The following ABCA5 variants were observed in gnomAD, a reference collection of about 807,000 sequenced individuals.
ABCA5 encodes ATP binding cassette subfamily A member 5.
A neutral mutation model predicts 206.0 loss-of-function variants in ABCA5; 163 were observed. The observed-to-expected ratio is 0.79, with a 90% CI of 0.70 to 0.90. The LOEUF (loss-of-function observed/expected upper bound fraction) is 0.90, where lower values mean the gene tolerates loss of function less well. Among genes scored for constraint, ABCA5 ranks in the 40% least tolerant of loss-of-function variants. ABCA5 has a pLI of 0.00. For synonymous variants in ABCA5, 609 were observed against 613.8 expected (o/e 0.99, Z 0.11); for missense variants, 1,859 against 1,912.9 (o/e 0.97, Z 0.53).
intron 7 of ABCA5, among the ~76,000 whole-genome samples, chr17:69,303,644 G>T (rs75140143): frequency 0.1 from 13,862 of 137,792 alleles, 753 homozygotes; most frequent in Middle Eastern, 0.12. Context: ...AAACCAGAAG[G>T]CCTGCTGCAG....
At chr17:69,284,191 AC>A (rs1380618519) in intron 17 of ABCA5, 119 bp from the exon 18 acceptor site, 39 of 798,374 alleles carry the variant, frequency 4.9e-5, no homozygotes, top group Non-Finnish European at 6.3e-5. Context: ...ACCCATCTCT[AC>A]AAAAAATAAA....
intron 3 of ABCA5, among the ~76,000 whole-genome samples, chr17:69,312,024 G>A (rs990090261): frequency 1.3e-5 from 2 of 152,170 alleles, no homozygotes; most frequent in Admixed American, 1.3e-4. Context: ...GCTTCTGACT[G>A]TATAATTAAC....
chr17:69,254,532 A>G (rs568636167), intron 31 of ABCA5, 42 bp from the exon 32 acceptor site: 3 of 1,560,288 alleles, frequency 1.9e-6, no homozygotes, highest in East Asian at 4.5e-5. Context: ...TGCTTAATTT[A>G]CACTGTGAAG....
At chr17:69,272,127 A>C (rs2075280403) in intron 20 of ABCA5, among the ~76,000 whole-genome samples, 1 of 152,168 alleles carries the variant, frequency 6.6e-6, no homozygotes, top group South Asian at 2.1e-4. Flanking sequence ...ACAGCACTAG[A>C]TCTCAGTGTC....
At chr17:69,279,691 A>G (rs1282286410) in intron 18 of ABCA5, among the ~76,000 whole-genome samples, 1 of 152,138 alleles carries the variant, frequency 6.6e-6, no homozygotes, top group Non-Finnish European at 1.5e-5. Flanking sequence ...AGAGATATAG[A>G]TCAATGGAAC....
chr17:69,313,385 A>T (rs2075788523), intron 2 of ABCA5, 89 bp from the exon 3 acceptor site: 8 of 576,182 alleles, frequency 1.4e-5, no homozygotes, highest in Non-Finnish European at 1.9e-5. Context: ...AATACTAAGA[A>T]AAAACAGGAA....
chr17:69,325,673 T>A (rs951553202), intron 1 of ABCA5: 2 of 152,030 alleles, frequency 1.3e-5, no homozygotes, highest in African/African-American at 4.8e-5. Context: ...CAAGACTTCG[T>A]CTCTGAAAAA....
chr17:69,274,599 A>G (rs761819241), intron 19 of ABCA5, among the ~76,000 whole-genome samples: 9 of 152,244 alleles, frequency 5.9e-5, no homozygotes, highest in Non-Finnish European at 1.3e-4. Context: ...AACTGAAAAA[A>G]AAAAATAAGA....
chr17:69,298,316 G>GGAAGGAAGGA (rs1368530754), intron 9 of ABCA5, among the ~76,000 whole-genome samples: 1,298 of 41,914 alleles, frequency 0.031, 64 homozygotes, highest in African/African-American at 0.047. Context: ...AAGAGAGAGA[G>GGAAGGAAGGA]AGGAAGGAAG....
chr17:69,287,993 A>T lies in ABCA5; in HGVS notation c.1903-242T>A, dbSNP rs150712449. On this transcript the variant is annotated intron_variant, in intron 14 of 38. Coordinates refer to ENST00000392676, the MANE Select transcript of ABCA5 (RefSeq NM_172232.4). Reference sequence around the variant, plus strand: ...CCTGTAATACACAAGACAAAAGTATAACAACAGTCAGACAAACAAACTAAA... The same window carrying T: ...CCTGTAATACACAAGACAAAAGTATTACAACAGTCAGACAAACAAACTAAA... 2.4e-4 allele frequency among the ~76,000 whole-genome samples: 37 copies of T among 152,346 alleles called. No homozygotes were observed. The East Asian group carries it at 6.4e-3, about 26-fold the overall frequency.
intron 19 of ABCA5, among the ~76,000 whole-genome samples, chr17:69,277,305 T>C (rs1417630355): frequency 2.0e-5 from 3 of 151,064 alleles, no homozygotes; most frequent in African/African-American, 4.9e-5. Flanking sequence ...CAATGGGGAG[T>C]GTATTAATAT....
At chr17:69,270,881 A>C in intron 21 of ABCA5, 131 bp from the exon 22 acceptor site, 3 of 843,050 alleles carry the variant, frequency 3.6e-6, no homozygotes, top group Non-Finnish European at 3.4e-6. Context: ...CACAGAAATA[A>C]TACTCAATGA....
intron 14 of ABCA5, 73 bp from the exon 15 acceptor site, chr17:69,287,824 A>G (rs2075476352): frequency 7.5e-7 from 1 of 1,329,716 alleles, no homozygotes; most frequent in African/African-American, 1.5e-5. Flanking sequence ...TGTGGACACT[A>G]AAAAACTGCC....
chr17:69,259,226 C>T (rs114539106), intron 28 of ABCA5, among the ~76,000 whole-genome samples: 229 of 152,086 alleles, frequency 1.5e-3, no homozygotes, highest in African/African-American at 4.9e-3. Flanking sequence ...ATAAAAAGTG[C>T]TACACACGAC....
At chr17:69,309,906 T>C (rs1157918201) in intron 3 of ABCA5, among the ~76,000 whole-genome samples, 1 of 152,036 alleles carries the variant, frequency 6.6e-6, no homozygotes, top group Non-Finnish European at 1.5e-5. Context: ...AATGGTACAA[T>C]GTTGCAGACA....
At chr17:69,297,983 G>A (rs1327883595) in intron 9 of ABCA5, among the ~76,000 whole-genome samples, 1 of 152,106 alleles carries the variant, frequency 6.6e-6, no homozygotes, top group Non-Finnish European at 1.5e-5. Context: ...CCAGGAGTTT[G>A]AGACCAGCCT....
intron 8 of ABCA5, among the ~76,000 whole-genome samples, chr17:69,301,522 C>T (rs960985369): frequency 2.0e-5 from 3 of 152,014 alleles, no homozygotes; most frequent in Non-Finnish European, 2.9e-5. Flanking sequence ...TGTTGTGCTT[C>T]TTTAACTGGG....
At chr17:69,286,411 TG>T (rs1348492581) in intron 15 of ABCA5, 100 bp from the exon 16 acceptor site, 2 of 1,012,156 alleles carry the variant, frequency 2.0e-6, no homozygotes, top group Non-Finnish European at 2.9e-6. Flanking sequence ...ATCCACATTA[TG>T]ATATCATTAA....
At chr17:69,270,500 A>C in intron 22 of ABCA5, 113 bp downstream of exon 22, 1 of 1,000,158 alleles carries the variant, frequency 1.0e-6, no homozygotes, top group Non-Finnish European at 1.4e-6. Flanking sequence ...TAAGAAGTCT[A>C]AGAGATCTCA....
Sources: gnomAD v4.1 joint callset for allele counts (sites outside exome capture counted in the v4.1 genomes callset) on GRCh38, gnomAD v4.1.1 for gene constraint, MANE v1.5 for transcripts, NCBI Gene and HGNC (gene_info 2026-07-23, HGNC 2026-07-21) for gene names.